Variants in B4GALT5 observed in about 807,000 individuals in gnomAD.
B4GALT5 encodes UDP-Gal:beta-GlcNAc beta-1,4-galactosyltransferase 5.
B4GALT5 carries 11 observed loss-of-function variants against 45.0 expected under a neutral mutation model. The ratio of observed to expected loss-of-function variants is 0.24; its 90% confidence interval spans 0.15 to 0.40. The LOEUF is 0.40. Ranked by LOEUF, B4GALT5 falls within the 10% of genes least tolerant of loss-of-function variation. B4GALT5 has a pLI of 1.00. For synonymous variants in B4GALT5, 185 were observed against 182.9 expected, an observed-to-expected ratio of 1.01 and a Z score of -0.09; for missense variants, 337 against 500.2, an observed-to-expected ratio of 0.67 and a Z score of 3.11.
intron 1 of B4GALT5, among the ~76,000 whole-genome samples, chr20:49,702,758 G>C (rs1199820008): frequency 6.6e-6 from 1 of 152,018 alleles, no homozygotes; most frequent in Non-Finnish European, 1.5e-5. Flanking sequence ...GGGAGGCTGA[G>C]GTGAGAGAAC....
Position 49,711,129 on chromosome 20 carries a change from T to G in B4GALT5, c.115+2447A>C, listed in dbSNP as rs143590525. On this transcript the variant is annotated intron_variant, in intron 1 of 8. Transcript: ENST00000371711. ...AGGGCAAACAGCTAAATGTAACTAC[T>G]CCACATCCTTTTTTTATTGTTCCCC... is the stretch of plus-strand genomic sequence containing the variant. 5.0e-3 allele frequency among the ~76,000 whole-genome samples: 766 copies of G among 151,850 alleles called. 2 individuals carry two copies. Among genetic ancestry groups the G allele is most frequent in the Admixed American group, 8.2e-3 (125 of 15,240 alleles).
intron 2 of B4GALT5, among the ~76,000 whole-genome samples, chr20:49,653,428 T>C (rs1381773684): frequency 1.3e-5 from 2 of 152,234 alleles, no homozygotes; most frequent in African/African-American, 4.8e-5. Context: ...CATTCCTTCA[T>C]GCATACAAAA....
At chr20:49,698,277 G>C (rs937180654) in intron 1 of B4GALT5, among the ~76,000 whole-genome samples, 2 of 151,802 alleles carry the variant, frequency 1.3e-5, no homozygotes, top group East Asian at 3.9e-4. Context: ...GAGCCGAGAC[G>C]GTGGCACCAC....
At chr20:49,706,197 C>CA (rs11483927) in intron 1 of B4GALT5, among the ~76,000 whole-genome samples, 69,240 of 132,974 alleles carry the variant, frequency 0.52, 17,729 homozygotes, top group South Asian at 0.7. Context: ...AACTCCATCT[C>CA]AAAAAAAAAA....
intron 1 of B4GALT5, among the ~76,000 whole-genome samples, chr20:49,690,741 A>G (rs572074792): frequency 1.1e-4 from 17 of 152,352 alleles, no homozygotes; most frequent in African/African-American, 3.8e-4. Context: ...TTAGTCTCAA[A>G]GAAGGCATAC....
At position 49,640,807 on chromosome 20, in the gene B4GALT5, C is replaced by T; in HGVS notation, c.607-142G>A. The T allele has an allele frequency of 4.8e-6, 4 of 825,320 alleles. No individual in the cohort carries two copies. In the South Asian group the frequency reaches 6.0e-5, roughly 12 times the overall value. 51.1% of individuals were successfully genotyped at this position (825,320 alleles called of 1,614,324 possible). ...AACCAGGTCCAACACCACAAATCAA[C>T]TCACAGTGTGGCTCAGAAGTCACTG... On this transcript the variant is annotated intron_variant, in intron 5 of 8. Transcript: ENST00000371711.
At position 49,643,631 on chromosome 20, in the gene B4GALT5, G is replaced by A; in HGVS notation, c.384C>T (p.Asn128=). 1 of 1,613,982 alleles carries A rather than the reference G, an allele frequency of 6.2e-7. No homozygotes were observed. Among genetic ancestry groups the A allele is most frequent in the Non-Finnish European group, 8.5e-7 (1 of 1,179,930 alleles). Residue 128 remains asparagine (N), a synonymous_variant, in exon 4 of 9, where the codon AAC becomes AAT. Transcript: ENST00000371711. The part of the protein sequence containing the change: ...LPSMKGPIDI[N]MSEIGMDYIH... ...TGTAATCCATTCCAATTTCACTCAT[G>A]TTTATGTCTATTGGGCCCTCTGAAC...
intron 1 of B4GALT5, among the ~76,000 whole-genome samples, chr20:49,671,556 T>C (rs2085716044): frequency 6.6e-6 from 1 of 152,154 alleles, no homozygotes; most frequent in African/African-American, 2.4e-5. Context: ...TAGAACAGTT[T>C]TAGAAATCAC....
intron 1 of B4GALT5, among the ~76,000 whole-genome samples, chr20:49,679,451 G>A (rs573409079): frequency 1.3e-5 from 2 of 151,968 alleles, no homozygotes; most frequent in South Asian, 4.2e-4. Flanking sequence ...GGCGGATCAT[G>A]AGGTCAGAAG....
intron 1 of B4GALT5, among the ~76,000 whole-genome samples, chr20:49,688,469 C>A (rs183995427): frequency 6.6e-6 from 1 of 152,138 alleles, no homozygotes; most frequent in Non-Finnish European, 1.5e-5. Flanking sequence ...ACCAAAACCA[C>A]GCCCTTGCTG....
intron 1 of B4GALT5, among the ~76,000 whole-genome samples, chr20:49,667,229 G>GT (rs1225627547): frequency 7.1e-6 from 1 of 140,738 alleles, no homozygotes; most frequent in Non-Finnish European, 1.5e-5. Context: ...TCTTTTTGAA[G>GT]TGTTTTTTTT....
Position 49,634,569 on chromosome 20 carries a change from T to C in B4GALT5, c.*1743A>G, listed in dbSNP as rs543157085. ...ACAAATTCAAATACAATTTAGAACATGACTTCAAGGCTGGGCGCAATGGCT... is the reference window on the plus strand; with the variant it reads ...ACAAATTCAAATACAATTTAGAACACGACTTCAAGGCTGGGCGCAATGGCT... On this transcript the variant is annotated 3_prime_UTR_variant, in exon 9 of 9. Transcript: ENST00000371711. The C allele has an allele frequency of 6.6e-6, 1 of 152,226 alleles. No individual in the cohort carries two copies. The highest frequency in any genetic ancestry group is 2.1e-4 in the South Asian group (1 of 4,828). 9.4% of individuals were successfully genotyped at this position (152,226 alleles called of 1,614,324 possible). A position where few individuals can be genotyped will look rare whatever the true frequency, so the allele number is the denominator to read the frequency against.
intron 1 of B4GALT5, among the ~76,000 whole-genome samples, chr20:49,703,872 G>A (rs2085873280): frequency 6.8e-6 from 1 of 147,198 alleles, no homozygotes; most frequent in African/African-American, 2.5e-5. Flanking sequence ...CTGGGCAACT[G>A]AGTGAGACTC....
intron 2 of B4GALT5, among the ~76,000 whole-genome samples, 168 bp from the exon 3 acceptor site, chr20:49,647,246 A>C (rs2085603009): frequency 1.3e-5 from 2 of 152,212 alleles, no homozygotes; most frequent in Admixed American, 6.5e-5. Flanking sequence ...CATCAATAAA[A>C]ATGTCAGCCA....
chr20:49,637,580 T>C (rs967418011), intron 7 of B4GALT5, 138 bp from the exon 8 acceptor site: 2 of 639,356 alleles, frequency 3.1e-6, no homozygotes, highest in African/African-American at 3.7e-5. Context: ...TGACTCATTG[T>C]GTCATTTCTT....
At chr20:49,702,206 C>T (rs1045957840) in intron 1 of B4GALT5, among the ~76,000 whole-genome samples, 2 of 151,970 alleles carry the variant, frequency 1.3e-5, no homozygotes, top group African/African-American at 4.8e-5. Context: ...TGAATAAAGA[C>T]AGAGAATAAT....
intron 2 of B4GALT5, among the ~76,000 whole-genome samples, chr20:49,652,133 A>C (rs2085625118): frequency 6.6e-6 from 1 of 152,198 alleles, no homozygotes; most frequent in Non-Finnish European, 1.5e-5. Context: ...AGGCCAATTA[A>C]ATAAGAATCG....
In B4GALT5 at chr20:49,650,933, AAATCT is replaced by A. The variant is rs1362901823; in HGVS notation, c.251-3860_251-3856del. 2.6e-5 allele frequency among the ~76,000 whole-genome samples: 4 copies of A among 152,212 alleles called. No homozygotes were observed. In the East Asian group the frequency reaches 7.7e-4, roughly 29 times the overall value. Reference sequence around the variant, plus strand: ...CAGCCACAGTTTTACTTTTTAATTTAAATCTAATCTATTTCAAACCTGGACATGTT... The same window carrying A: ...CAGCCACAGTTTTACTTTTTAATTTAAATCTATTTCAAACCTGGACATGTT... On this transcript the variant is annotated intron_variant, in intron 2 of 8. Coordinates refer to ENST00000371711, the MANE Select transcript of B4GALT5 (RefSeq NM_004776.4).
chr20:49,685,754 C>A (rs1028927311), intron 1 of B4GALT5, among the ~76,000 whole-genome samples: 73 of 152,068 alleles, frequency 4.8e-4, no homozygotes, highest in Non-Finnish European at 9.0e-4. Context: ...AAATCAAATA[C>A]AATACACACT....
Sources: allele counts gnomAD v4.1 joint callset (sites outside exome capture counted in the v4.1 genomes callset), GRCh38; gene constraint gnomAD v4.1.1; transcripts MANE v1.5; gene names NCBI Gene and HGNC (gene_info 2026-07-23, HGNC 2026-07-21).